The following PCDH15 variants were observed in gnomAD, a reference collection of about 807,000 sequenced individuals.
PCDH15 encodes protocadherin related 15.
PCDH15 carries 129 observed loss-of-function variants against 178.5 expected under a neutral mutation model. That is an observed-to-expected ratio of 0.72 (90% confidence interval 0.63 to 0.84). The LOEUF (loss-of-function observed/expected upper bound fraction) is 0.84. Ranked by LOEUF, PCDH15 falls within the 40% of genes least tolerant of loss-of-function variation. PCDH15 has a pLI of 0.00. For missense variants in PCDH15, 2,230 were observed against 2,099.9 expected (o/e 1.06, Z -1.21); for synonymous variants, 800 against 732.0 (o/e 1.09, Z -1.50).
At chr10:54,754,775 A>G (rs1566137548) in intron 1 of PCDH15, among the ~76,000 whole-genome samples, 1 of 152,118 alleles carries the variant, frequency 6.6e-6, no homozygotes, top group Non-Finnish European at 1.5e-5. Flanking sequence ...ACCAATTATA[A>G]TGTGCTGCTG....
At chr10:53,855,093 T>A (rs889626990) in intron 28 of PCDH15, among the ~76,000 whole-genome samples, 1 of 152,072 alleles carries the variant, frequency 6.6e-6, no homozygotes, top group Non-Finnish European at 1.5e-5. Flanking sequence ...TTGTAAAACA[T>A]CCTTTCAATA....
chr10:55,614,153 T>C (rs1216893443), intron 2 of PCDH15, among the ~76,000 whole-genome samples: 3 of 152,044 alleles, frequency 2.0e-5, no homozygotes, highest in African/African-American at 7.2e-5. Context: ...CTTTTCCTCT[T>C]TTTTTATGAT....
At chr10:53,933,887 C>T (rs1292556699) in intron 25 of PCDH15, among the ~76,000 whole-genome samples, 1 of 152,174 alleles carries the variant, frequency 6.6e-6, no homozygotes, top group Non-Finnish European at 1.5e-5. Context: ...GAGATGGTAT[C>T]TCATTGTGGT....
intron 32 of PCDH15, among the ~76,000 whole-genome samples, chr10:53,820,484 G>A (rs1301876115): frequency 1.3e-5 from 2 of 152,002 alleles, no homozygotes; most frequent in Admixed American, 6.6e-5. Flanking sequence ...ACTTCCAATA[G>A]TAATTATCAG....
At chr10:54,326,304 C>A (rs907384132) in intron 7 of PCDH15, among the ~76,000 whole-genome samples, 6 of 152,022 alleles carry the variant, frequency 3.9e-5, no homozygotes, top group African/African-American at 1.4e-4. Flanking sequence ...TGATATGTCA[C>A]AACACTTTGA....
chr10:54,791,740 A>C (rs539775946), intron 1 of PCDH15, among the ~76,000 whole-genome samples: 81 of 152,024 alleles, frequency 5.3e-4, no homozygotes, highest in African/African-American at 1.9e-3. Context: ...TTCTATCTTT[A>C]AAATGTATTC....
chr10:54,280,512 A>C (rs1248831373), intron 8 of PCDH15, among the ~76,000 whole-genome samples: 3 of 151,758 alleles, frequency 2.0e-5, no homozygotes, highest in Non-Finnish European at 4.4e-5. Flanking sequence ...GTTAGAATAA[A>C]TGGTGTAAGA....
chr10:55,587,692 T>A (rs1842752652), intron 2 of PCDH15, among the ~76,000 whole-genome samples: 1 of 152,188 alleles, frequency 6.6e-6, no homozygotes, highest in South Asian at 2.1e-4. Context: ...ACAATGGTGG[T>A]TTGATATAAA....
intron 3 of PCDH15, among the ~76,000 whole-genome samples, chr10:54,400,118 A>T (rs573823563): frequency 1.3e-5 from 2 of 152,230 alleles, no homozygotes; most frequent in East Asian, 3.9e-4. Flanking sequence ...AAATTGAAGT[A>T]GATTTCTAGC....
At chr10:53,827,340 C>T (rs1222936355) in intron 32 of PCDH15, 53 bp downstream of exon 32, 1 of 1,549,300 alleles carries the variant, frequency 6.5e-7, no homozygotes, top group Non-Finnish European at 8.7e-7. Context: ...ACTCACCACA[C>T]AGAATTCAGT....
intron 8 of PCDH15, among the ~76,000 whole-genome samples, chr10:54,253,182 A>T (rs1170213222): frequency 2.0e-5 from 3 of 152,148 alleles, no homozygotes; most frequent in African/African-American, 7.2e-5. Context: ...GAGAAAATTT[A>T]AAAGAGTAAG....
intron 2 of PCDH15, among the ~76,000 whole-genome samples, chr10:55,017,429 C>A (rs1277368202): frequency 1.3e-5 from 2 of 152,066 alleles, no homozygotes; most frequent in Non-Finnish European, 2.9e-5. Context: ...TGTTGAGCAA[C>A]TTTTTCCTGT....
chr10:54,071,552 T>C (rs990516962), intron 17 of PCDH15, among the ~76,000 whole-genome samples: 5 of 152,160 alleles, frequency 3.3e-5, no homozygotes, highest in African/African-American at 9.6e-5. Flanking sequence ...ACTATTTCTT[T>C]ATATTTTGTG....
chr10:54,678,496 A>C (rs16906395), intron 1 of PCDH15, among the ~76,000 whole-genome samples: 1 of 152,078 alleles, frequency 6.6e-6, no homozygotes, highest in Non-Finnish European at 1.5e-5. Context: ...TGGCATTTCA[A>C]CTTCCAATGA....
chr10:54,488,877 T>C (rs1032487587), intron 3 of PCDH15, among the ~76,000 whole-genome samples: 7 of 152,134 alleles, frequency 4.6e-5, no homozygotes, highest in African/African-American at 1.2e-4. Flanking sequence ...AGTAGGTTAG[T>C]TTTCATGGTT....
chr10:53,961,945 G>A (rs2088380222), intron 21 of PCDH15, 53 bp from the exon 22 acceptor site: 2 of 1,376,766 alleles, frequency 1.5e-6, no homozygotes, highest in Admixed American at 1.7e-5. Flanking sequence ...AAAACACAGT[G>A]CAATGATAAT....
intron 1 of PCDH15, among the ~76,000 whole-genome samples, chr10:54,795,385 G>T (rs1468069950): frequency 6.6e-6 from 1 of 151,792 alleles, no homozygotes; most frequent in Non-Finnish European, 1.5e-5. Flanking sequence ...AAGAAAGTAG[G>T]ATGGACAGTA....
Position 54,064,454 on chromosome 10 carries a change from C to T in PCDH15, c.2220+2303G>A, listed in dbSNP as rs866709697. On this transcript the variant is annotated intron_variant, in intron 18 of 37. Coordinates refer to ENST00000644397, the MANE Select transcript of PCDH15 (RefSeq NM_001384140.1). ...CTGGTCCCCAGGCTTCAGGCCATCC[C>T]TGGCTTGAAGGTGGGGCTTCACCAG... 7.4e-4 allele frequency among the ~76,000 whole-genome samples: 113 copies of T among 152,306 alleles called. No individual in the cohort carries two copies. The Middle Eastern group carries it at 0.02, about 28-fold the overall frequency.
intron 2 of PCDH15, chr10:55,599,239 G>T (rs888258214): frequency 6.6e-6 from 1 of 152,158 alleles, no homozygotes; most frequent in African/African-American, 2.4e-5. Flanking sequence ...TGGCAAAATA[G>T]TGAGAAGATT....
Sources: gnomAD v4.1 joint callset for allele counts (sites outside exome capture counted in the v4.1 genomes callset) on GRCh38, gnomAD v4.1.1 for gene constraint, MANE v1.5 for transcripts, NCBI Gene and HGNC (gene_info 2026-07-23, HGNC 2026-07-21) for gene names.